The following ACACA variants were observed in gnomAD, a reference collection of about 807,000 sequenced individuals.
ACACA encodes the protein acetyl-CoA carboxylase alpha, also known as acetyl-CoA carboxylase 1.
Under a neutral mutation model 296.1 loss-of-function variants are expected in ACACA, and 103 were observed. The observed-to-expected ratio is 0.35, with a 90% CI of 0.30 to 0.41. The LOEUF (loss-of-function observed/expected upper bound fraction) is 0.41, where lower values mean the gene tolerates loss of function less well. Among genes scored for constraint, ACACA ranks in the 10% least tolerant of loss-of-function variants. The probability of loss-of-function intolerance (pLI) is 1.00; values close to 1 mark genes in which losing one functional copy is unlikely to be tolerated. For synonymous variants in ACACA, 953 were observed against 1,038.6 expected, an observed-to-expected ratio of 0.92 and a Z score of 1.58; for missense variants, 1,554 against 2,989.7, an observed-to-expected ratio of 0.52 and a Z score of 11.20.
intron 29 of ACACA, among the ~76,000 whole-genome samples, chr17:37,216,593 A>G (rs2079010498): frequency 6.6e-6 from 1 of 152,132 alleles, no homozygotes; most frequent in East Asian, 1.9e-4. Context: ...AAACAGAGTA[A>G]CCGCAACATG....
chr17:37,389,679 T>C (rs1343607001), intron 1 of ACACA, among the ~76,000 whole-genome samples: 2 of 151,152 alleles, frequency 1.3e-5, no homozygotes, highest in Non-Finnish European at 2.9e-5. Context: ...AGAGTAAGAC[T>C]CTGTCTCAAA....
intron 41 of ACACA, among the ~76,000 whole-genome samples, chr17:37,170,974 T>C (rs984973431): frequency 3.9e-5 from 6 of 152,218 alleles, no homozygotes; most frequent in African/African-American, 1.4e-4. Flanking sequence ...CCATCAACTC[T>C]AGCTATGCTG....
intron 22 of ACACA, 90 bp from the exon 23 acceptor site, chr17:37,242,143 C>T (rs1285861990): frequency 1.0e-6 from 1 of 969,922 alleles, no homozygotes; most frequent in African/African-American, 1.6e-5. Flanking sequence ...TAGGAATCTT[C>T]TTCTTATAAC....
chr17:37,138,866 AG>A (rs1219350087), intron 45 of ACACA, among the ~76,000 whole-genome samples: 1 of 151,836 alleles, frequency 6.6e-6, no homozygotes, highest in African/African-American at 2.4e-5. Flanking sequence ...GTAATGGGGG[AG>A]GTGGGAGGTG....
chr17:37,156,037 TTTTC>T (rs2076228994), intron 42 of ACACA, among the ~76,000 whole-genome samples: 24 of 150,908 alleles, frequency 1.6e-4, no homozygotes, highest in African/African-American at 3.7e-4. Context: ...CTTCATTTCA[TTTTC>T]TTTCTTTCTT....
intron 1 of ACACA, among the ~76,000 whole-genome samples, chr17:37,386,674 C>T (rs1017262098): frequency 7.9e-5 from 12 of 152,110 alleles, no homozygotes; most frequent in African/African-American, 9.7e-5. Context: ...TTTATCTCCA[C>T]GCAAATGAGC....
At chr17:37,151,182 T>C in intron 44 of ACACA, 119 bp downstream of exon 44, 5 of 1,134,018 alleles carry the variant, frequency 4.4e-6, no homozygotes, top group Non-Finnish European at 6.4e-6. Flanking sequence ...AATATAATTA[T>C]AGACATACAA....
chr17:37,117,140 A>T (rs2074296332), intron 50 of ACACA, among the ~76,000 whole-genome samples: 2 of 152,226 alleles, frequency 1.3e-5, no homozygotes, highest in African/African-American at 2.4e-5. Flanking sequence ...CAAACAAGGG[A>T]ACAGGGTGGC....
At chr17:37,274,897 C>T (rs2082211452) in intron 8 of ACACA, among the ~76,000 whole-genome samples, 1 of 150,810 alleles carries the variant, frequency 6.6e-6, no homozygotes, top group African/African-American at 2.4e-5. Flanking sequence ...AACAAGGGTT[C>T]AAATCTGTTC....
intron 14 of ACACA, among the ~76,000 whole-genome samples, chr17:37,255,595 C>A (rs1038563617): frequency 9.9e-5 from 15 of 152,106 alleles, no homozygotes; most frequent in Non-Finnish European, 2.2e-4. Flanking sequence ...CAGTGGTCTG[C>A]CAAATCAGGA....
chr17:37,363,893 C>T (rs1355223716), intron 1 of ACACA, among the ~76,000 whole-genome samples: 5 of 151,994 alleles, frequency 3.3e-5, no homozygotes, highest in African/African-American at 4.8e-5. Flanking sequence ...GAGGACGAGG[C>T]GGGTGGATCA....
At chr17:37,382,007 G>A (rs143080295) in intron 1 of ACACA, among the ~76,000 whole-genome samples, 86 of 152,172 alleles carry the variant, frequency 5.7e-4, no homozygotes, top group Non-Finnish European at 9.3e-4. Flanking sequence ...AAACAATTCC[G>A]AAAACAATGA....
chr17:37,282,410 G>A (rs1397985225), intron 5 of ACACA, among the ~76,000 whole-genome samples: 1 of 152,092 alleles, frequency 6.6e-6, no homozygotes, highest in Admixed American at 6.5e-5. Flanking sequence ...AAATTACGCA[G>A]CCTCAGGTAT....
chr17:37,404,921 C>T (rs559637999), intron 1 of ACACA, among the ~76,000 whole-genome samples: 94 of 152,152 alleles, frequency 6.2e-4, no homozygotes, highest in Middle Eastern at 3.4e-3. Flanking sequence ...TGCTCTCAAC[C>T]CTTCGTCATA....
intron 52 of ACACA, among the ~76,000 whole-genome samples, chr17:37,102,547 G>T (rs776207856): frequency 3.3e-5 from 5 of 152,188 alleles, no homozygotes; most frequent in Non-Finnish European, 5.9e-5. Context: ...ACTTGGGTCT[G>T]GCTCTCTCCA....
At chr17:37,121,324 T>C (rs750777392) in intron 50 of ACACA, 31 bp downstream of exon 50, 2 of 1,613,834 alleles carry the variant, frequency 1.2e-6, no homozygotes, top group Admixed American at 3.3e-5. Context: ...TAATCAGTGA[T>C]GCCCCTCCAG....
intron 10 of ACACA, 98 bp from the exon 11 acceptor site, chr17:37,263,992 G>A: frequency 1.1e-6 from 1 of 926,984 alleles, no homozygotes; most frequent in Non-Finnish European, 1.7e-6. Flanking sequence ...CAGATGTCCA[G>A]AAGTGTCAGG....
chr17:37,126,863 T>C (rs1053896229), intron 47 of ACACA, among the ~76,000 whole-genome samples: 7 of 152,260 alleles, frequency 4.6e-5, no homozygotes, highest in Admixed American at 2.6e-4. Context: ...TGGTCTTGTG[T>C]TGGGCGTCAG....
intron 38 of ACACA, among the ~76,000 whole-genome samples, chr17:37,190,849 A>G (rs1273875009): frequency 6.6e-6 from 1 of 152,228 alleles, no homozygotes; most frequent in African/African-American, 2.4e-5. Flanking sequence ...CCAACAAAAG[A>G]AAATGTTTTC....
Sources: allele counts gnomAD v4.1 joint callset (sites outside exome capture counted in the v4.1 genomes callset), GRCh38; gene constraint gnomAD v4.1.1; transcripts MANE v1.5; gene names NCBI Gene and HGNC (gene_info 2026-07-23, HGNC 2026-07-21).